HCLS1: variants seen among roughly 807,000 people sequenced by gnomAD.
HCLS1 encodes the protein hematopoietic cell-specific Lyn substrate 1.
In HCLS1, 44 loss-of-function variants were observed where a neutral mutation model predicts 68.6. That is an observed-to-expected ratio of 0.64 (90% CI 0.50 to 0.82). The LOEUF is 0.82. Among genes scored for constraint, HCLS1 ranks in the 40% least tolerant of loss-of-function variants. The pLI, the probability that HCLS1 is intolerant of heterozygous loss-of-function variation, is 0.00. For missense variants in HCLS1, 602 were observed against 612.1 expected, an observed-to-expected ratio of 0.98 and a Z score of 0.17; for synonymous variants, 217 against 225.8, an observed-to-expected ratio of 0.96 and a Z score of 0.35.
At chr3:121,637,068 A>G (rs1392969556) in intron 7 of HCLS1, 78 bp downstream of exon 7, 1 of 1,015,950 alleles carries the variant, frequency 9.8e-7, no homozygotes, top group Non-Finnish European at 1.6e-6. Context: ...ATTCTGGGGC[A>G]CCCGGGTGAG....
rs143095062 is a variant in HCLS1, at chr3:121,635,209, T to TTCTC, written c.691+522_691+525dup. ...TTCTCTCTTTCTTTCTTTTCTTTCT[T>TTCTC]TCTCTCTCTCTCTCTCTTCTCTCCC... On this transcript the variant is annotated intron_variant, in intron 9 of 13. Transcript: ENST00000314583. 5.9e-5 allele frequency among the ~76,000 whole-genome samples: 8 copies of TTCTC among 136,274 alleles called. 1 individual carries two copies. In the East Asian group the frequency reaches 8.6e-4, roughly 15 times the overall value. 89.4% of individuals were successfully genotyped at this position (136,274 alleles called of 152,430 possible). A position where few individuals can be genotyped will look rare whatever the true frequency, so the allele number is the denominator to read the frequency against.
chr3:121,633,246 C>A (rs2049118053), intron 10 of HCLS1, 75 bp from the exon 11 acceptor site: 4 of 937,020 alleles, frequency 4.3e-6, no homozygotes, highest in East Asian at 2.7e-5. Context: ...GATAGACTCT[C>A]GCTCTGTAGC....
chr3:121,650,645 C>A (rs1465088532), intron 3 of HCLS1, among the ~76,000 whole-genome samples: 1 of 152,186 alleles, frequency 6.6e-6, no homozygotes, highest in Non-Finnish European at 1.5e-5. Context: ...GAAAAGTCTA[C>A]TTGAAATGGG....
At chr3:121,642,649 A>C (rs942709518) in intron 6 of HCLS1, among the ~76,000 whole-genome samples, 1 of 151,774 alleles carries the variant, frequency 6.6e-6, no homozygotes, top group African/African-American at 2.4e-5. Flanking sequence ...GGTGGTGCAC[A>C]CTTGTAGTCA....
chr3:121,657,586 C>T (rs369963309), intron 2 of HCLS1, among the ~76,000 whole-genome samples: 8 of 152,196 alleles, frequency 5.3e-5, no homozygotes, highest in East Asian at 1.9e-4. Context: ...GAGGCCGAGG[C>T]GGGTGGATCT....
intron 5 of HCLS1, chr3:121,643,187 T>C (rs1470187828): frequency 8.5e-6 from 4 of 472,308 alleles, no homozygotes; most frequent in Non-Finnish European, 1.6e-5. Context: ...AGTTTTAGGT[T>C]CAAACCCTAC....
intron 3 of HCLS1, chr3:121,655,556 C>T (rs1177131556): frequency 7.3e-6 from 1 of 136,320 alleles, no homozygotes; most frequent in Non-Finnish European, 1.5e-5. Flanking sequence ...GCAATAATCA[C>T]ACCTCGGATA....
Position 121,658,303 on chromosome 3 carries a change from C to A in HCLS1, c.45G>T (p.Glu15Asp). The change falls in exon 2 of 14, where the codon GAG (glutamate) becomes GAT (aspartate). Residue 15 changes from glutamate (E) to aspartate (D), a missense_variant. Physicochemically the swap from Glu to Asp is conservative, Grantham distance 45 (BLOSUM62 2). Coordinates refer to ENST00000314583, the MANE Select transcript of HCLS1 (RefSeq NM_005335.6). ...VVGHDVSVSV[E>D]TQGDDWDTDP... ...CTGTGTCCCAATCATCACCCTGGGT[C>A]TCCACGGAAACAGACACATCATGGC... 6.2e-7 allele frequency: 1 copy of A among 1,614,004 alleles called. No homozygotes were observed. The highest frequency in any genetic ancestry group is 1.1e-5 in the South Asian group (1 of 91,076).
chr3:121,657,358 A>G lies in HCLS1; in HGVS notation c.85-6T>C. 1 of 1,613,982 alleles carries G rather than the reference A, an allele frequency of 6.2e-7. No homozygotes were observed. The highest frequency in any genetic ancestry group is 8.5e-7 in the Non-Finnish European group (1 of 1,179,886). ...TCCTTTTCAGAGATGTCATTCTGCA[A>G]ACGACAGCACGCAGTAATACATGAC... On this transcript the variant is annotated splice_region_variant and splice_polypyrimidine_tract_variant and intron_variant, in intron 2 of 13. Coordinates refer to ENST00000314583, the MANE Select transcript of HCLS1 (RefSeq NM_005335.6).
At chr3:121,648,155 C>T (rs1274638604) in intron 3 of HCLS1, among the ~76,000 whole-genome samples, 3 of 152,088 alleles carry the variant, frequency 2.0e-5, no homozygotes, top group Non-Finnish European at 2.9e-5. Context: ...TCTGCCCCTT[C>T]CCCCCAGGCT....
At chr3:121,632,038 T>A (rs971130288) in intron 13 of HCLS1, 56 bp from the exon 14 acceptor site, 5 of 1,613,554 alleles carry the variant, frequency 3.1e-6, no homozygotes, top group Non-Finnish European at 3.4e-6. Flanking sequence ...TCTTTTCACA[T>A]GTCCCCCTGT....
At chr3:121,632,630 A>G (rs951901850) in intron 11 of HCLS1, 67 bp from the exon 12 acceptor site, 3 of 1,450,378 alleles carry the variant, frequency 2.1e-6, no homozygotes, top group Non-Finnish European at 2.8e-6. Context: ...AGGACTGATA[A>G]GATCCCCCGC....
chr3:121,644,081 T>A (rs1435527043), intron 5 of HCLS1: 1 of 153,250 alleles, frequency 6.5e-6, no homozygotes, highest in Non-Finnish European at 1.5e-5. Flanking sequence ...TTAACAACTG[T>A]TGGTAAAAAC....
intron 12 of HCLS1, 24 bp from the exon 13 acceptor site, chr3:121,632,208 T>C (rs2049104547): frequency 1.9e-6 from 3 of 1,611,530 alleles, no homozygotes; most frequent in African/African-American, 1.3e-5. Context: ...AACACAAACA[T>C]GGGATCATCA....
At position 121,631,954 on chromosome 3, in the gene HCLS1, C is replaced by G; in HGVS notation, c.1353G>C (p.Pro451=). 6.2e-7 allele frequency: 1 copy of G among 1,614,144 alleles called. No individual in the cohort carries two copies. Among genetic ancestry groups the G allele is most frequent in the Non-Finnish European group, 8.5e-7 (1 of 1,180,016 alleles). The part of the protein sequence containing the change: ...GEGSDELSFD[P]DDVITDIEMV... Reference sequence around the variant, plus strand: ...TCTCAATGTCAGTGATTACGTCGTCCGGATCAAAGGAAAGCTCATCACTTC... The same window carrying G: ...TCTCAATGTCAGTGATTACGTCGTCGGGATCAAAGGAAAGCTCATCACTTC... Residue 451 remains proline (P), a synonymous_variant, in exon 14 of 14, where the codon CCG becomes CCC. Coordinates refer to ENST00000314583, the MANE Select transcript of HCLS1 (RefSeq NM_005335.6).
chr3:121,655,460 C>CTTTTT (rs1491482658), intron 3 of HCLS1: 19 of 65,850 alleles, frequency 2.9e-4, no homozygotes, highest in Non-Finnish European at 4.6e-4. Context: ...GGGTTGCTTG[C>CTTTTT]TCTTTTTTTT....
intron 5 of HCLS1, chr3:121,644,369 A>G (rs2049226786): frequency 6.7e-6 from 2 of 297,232 alleles, no homozygotes; most frequent in South Asian, 6.3e-5. Context: ...TTGATGCTAA[A>G]TTCTGTAAAT....
At chr3:121,651,441 TTTTG>T (rs1937747259) in intron 3 of HCLS1, among the ~76,000 whole-genome samples, 1 of 152,196 alleles carries the variant, frequency 6.6e-6, no homozygotes, top group Non-Finnish European at 1.5e-5. Context: ...TGTTGTTTTG[TTTTG>T]TTTGTCTTTT....
At chr3:121,648,160 C>G (rs188165693) in intron 3 of HCLS1, among the ~76,000 whole-genome samples, 69 of 152,252 alleles carry the variant, frequency 4.5e-4, no homozygotes, top group Non-Finnish European at 8.8e-4. Flanking sequence ...CCCTTCCCCC[C>G]AGGCTGATAA....
Sources: allele counts gnomAD v4.1 joint callset (sites outside exome capture counted in the v4.1 genomes callset), GRCh38; gene constraint gnomAD v4.1.1; transcripts MANE v1.5; gene names NCBI Gene and HGNC (gene_info 2026-07-23, HGNC 2026-07-21).